Variants in SCAI observed in about 807,000 individuals in gnomAD.
SCAI encodes the protein suppressor of cancer cell invasion, also known as protein SCAI.
A neutral mutation model predicts 92.2 loss-of-function variants in SCAI; 24 were observed. The observed-to-expected ratio is 0.26, with a 90% CI of 0.19 to 0.37. The LOEUF (loss-of-function observed/expected upper bound fraction) is 0.37, where lower values mean the gene tolerates loss of function less well. Among genes scored for constraint, SCAI ranks in the 10% least tolerant of loss-of-function variants. SCAI has a pLI of 1.00. For synonymous variants in SCAI, 261 were observed against 258.6 expected, an observed-to-expected ratio of 1.01 and a Z score of -0.09; for missense variants, 450 against 736.2, an observed-to-expected ratio of 0.61 and a Z score of 4.50.
chr9:125,018,041 C>T (rs1403967136), intron 9 of SCAI, among the ~76,000 whole-genome samples: 1 of 151,868 alleles, frequency 6.6e-6, no homozygotes, highest in African/African-American at 2.4e-5. Context: ...ACACCAACTC[C>T]TCGCCCCTTT....
At chr9:125,110,539 G>A (rs1261899122) in intron 2 of SCAI, among the ~76,000 whole-genome samples, 1 of 152,104 alleles carries the variant, frequency 6.6e-6, no homozygotes, top group Non-Finnish European at 1.5e-5. Context: ...GAGTCTGGTG[G>A]GAGGGAATTG....
intron 7 of SCAI, among the ~76,000 whole-genome samples, chr9:125,019,801 C>T (rs1832832714): frequency 1.3e-5 from 2 of 151,972 alleles, no homozygotes; most frequent in Non-Finnish European, 2.9e-5. Context: ...GAGCTGGGCA[C>T]GGTGGCTCAT....
At chr9:125,107,252 T>A (rs566479435) in intron 2 of SCAI, among the ~76,000 whole-genome samples, 1 of 151,038 alleles carries the variant, frequency 6.6e-6, no homozygotes, top group Non-Finnish European at 1.5e-5. Flanking sequence ...CTACTAGAAA[T>A]ACAAAAATTA....
In SCAI at chr9:125,073,250, G is replaced by A. The variant is rs566303556; in HGVS notation, c.99-17243C>T. On this transcript the variant is annotated intron_variant, in intron 2 of 17. Coordinates refer to ENST00000336505, the MANE Select transcript of SCAI (RefSeq NM_001144877.3). ...CTCCCGAGTAGCTGGGACTACAGGC[G>A]CCCGCTACCACGCCCGGCTAATTTT... Among the ~76,000 whole-genome samples, 23 of 149,752 alleles carry A rather than the reference G, an allele frequency of 1.5e-4. No homozygotes were observed. The East Asian group carries it at 3.1e-3, about 20-fold the overall frequency.
intron 2 of SCAI, among the ~76,000 whole-genome samples, chr9:125,123,499 G>A (rs1316129640): frequency 6.6e-6 from 1 of 151,752 alleles, no homozygotes. Context: ...CTGGCAGGCC[G>A]GGTGTGGTGG....
chr9:125,079,704 C>T (rs1834170929), intron 2 of SCAI, among the ~76,000 whole-genome samples: 1 of 151,870 alleles, frequency 6.6e-6, no homozygotes, highest in South Asian at 2.1e-4. Context: ...CAAGATGGTG[C>T]TTAAGAAATC....
chr9:125,010,076 G>A (rs1032387900), intron 9 of SCAI, among the ~76,000 whole-genome samples: 1 of 152,164 alleles, frequency 6.6e-6, no homozygotes, highest in Non-Finnish European at 1.5e-5. Flanking sequence ...AATAGGAACA[G>A]CTCCGGCCTA....
chr9:125,137,298 A>G (rs1310876712), intron 2 of SCAI, among the ~76,000 whole-genome samples: 1 of 152,192 alleles, frequency 6.6e-6, no homozygotes, highest in Non-Finnish European at 1.5e-5. Context: ...ATGTAGCCTC[A>G]TGATTCTGGA....
At chr9:124,956,726 C>CA (rs1831320401) in intron 17 of SCAI, among the ~76,000 whole-genome samples, 1 of 152,170 alleles carries the variant, frequency 6.6e-6, no homozygotes, top group Non-Finnish European at 1.5e-5. Flanking sequence ...TGGTTAAAGA[C>CA]TAACATCTTT....
At chr9:125,096,324 C>T (rs767914324) in intron 2 of SCAI, among the ~76,000 whole-genome samples, 2 of 152,080 alleles carry the variant, frequency 1.3e-5, no homozygotes, top group Non-Finnish European at 2.9e-5. Context: ...GAAAAACCTG[C>T]CCCCATGATT....
intron 9 of SCAI, among the ~76,000 whole-genome samples, chr9:125,011,769 G>A (rs915420092): frequency 1.3e-5 from 2 of 152,170 alleles, no homozygotes; most frequent in African/African-American, 4.8e-5. Context: ...GAAATGTTAA[G>A]GGCAGCCAGA....
rs1184697065 is a variant in SCAI, at chr9:124,947,186, AT to A, written c.*5620del. Reference sequence around the variant, plus strand: ...TATGTTTTTAAATGTGATTAAAGCAATTTTTTTCCACAGCCTCTCTATTAAG... The same window carrying A: ...TATGTTTTTAAATGTGATTAAAGCAATTTTTTCCACAGCCTCTCTATTAAG... On this transcript the variant is annotated 3_prime_UTR_variant, in exon 18 of 18. Coordinates refer to ENST00000336505, the MANE Select transcript of SCAI (RefSeq NM_001144877.3). 1.3e-5 allele frequency: 2 copies of A among 152,100 alleles called. No individual in the cohort carries two copies. Among genetic ancestry groups the A allele is most frequent in the African/African-American group, 2.4e-5 (1 of 41,416 alleles). 9.4% of individuals were successfully genotyped at this position (152,100 alleles called of 1,614,324 possible).
At chr9:124,994,876 G>C in intron 14 of SCAI, 58 bp downstream of exon 14, 4 of 1,075,356 alleles carry the variant, frequency 3.7e-6, no homozygotes, top group Non-Finnish European at 5.7e-6. Context: ...ATTAAGAGTG[G>C]GTACCCTTGG....
In SCAI at chr9:124,971,749, G is replaced by T. The variant is rs1831663502; in HGVS notation, c.1495C>A (p.Leu499Ile). ...VSGLSSMRRGLWEKCQEYLRK... is the reference protein window; with the variant it reads ...VSGLSSMRRGIWEKCQEYLRK... Reference sequence around the variant, plus strand: ...AGATATTCTTGACACTTTTCCCATAGGCCTCTGCGCATGCTTGACAATCCA... The same window carrying T: ...AGATATTCTTGACACTTTTCCCATATGCCTCTGCGCATGCTTGACAATCCA... Residue 499 changes from leucine to isoleucine, a missense_variant, in exon 16 of 18, where the codon CTA becomes ATA. Leu to Ile is a conservative substitution (Grantham distance 5). This residue lies in a region of SCAI where 360 missense variants were observed against 601.8 expected (regional missense o/e 0.60). Coordinates refer to ENST00000336505, the MANE Select transcript of SCAI (RefSeq NM_001144877.3). The T allele has an allele frequency of 1.2e-6, 2 of 1,612,624 alleles. No individual in the cohort carries two copies. The highest frequency in any genetic ancestry group is 2.2e-5 in the East Asian group (1 of 44,848).
intron 2 of SCAI, among the ~76,000 whole-genome samples, chr9:125,134,114 C>T (rs766920081): frequency 6.6e-6 from 1 of 152,166 alleles, no homozygotes; most frequent in Non-Finnish European, 1.5e-5. Flanking sequence ...TCACCCAAGA[C>T]CTCATTATTA....
chr9:125,097,288 C>T (rs1588217585), intron 2 of SCAI, among the ~76,000 whole-genome samples: 2 of 152,094 alleles, frequency 1.3e-5, no homozygotes, highest in African/African-American at 4.8e-5. Context: ...CAAAAATTAG[C>T]CCAGCATGGT....
At chr9:125,138,713 C>T (rs1360821052) in intron 2 of SCAI, among the ~76,000 whole-genome samples, 1 of 151,990 alleles carries the variant, frequency 6.6e-6, no homozygotes, top group East Asian at 1.9e-4. Flanking sequence ...CGTGCCCGGC[C>T]CAATTTTGTA....
intron 9 of SCAI, among the ~76,000 whole-genome samples, chr9:125,012,726 A>AT (rs1328789116): frequency 2.0e-5 from 3 of 152,222 alleles, no homozygotes; most frequent in Non-Finnish European, 4.4e-5. Context: ...CTGAATATAC[A>AT]TTTTTTTCAG....
intron 2 of SCAI, among the ~76,000 whole-genome samples, chr9:125,134,682 T>G (rs1442309049): frequency 2.6e-5 from 4 of 152,164 alleles, no homozygotes; most frequent in African/African-American, 7.2e-5. Context: ...CTAATCTTTT[T>G]TGTGTGTGTG....
Sources: gnomAD v4.1 joint callset for allele counts (sites outside exome capture counted in the v4.1 genomes callset) on GRCh38, gnomAD v4.1.1 for gene constraint, gnomAD v4.1.1 regional missense constraint, MANE v1.5 for transcripts, NCBI Gene and HGNC (gene_info 2026-07-23, HGNC 2026-07-21) for gene names.